The following RGS21 variants were observed in gnomAD, a reference collection of about 807,000 sequenced individuals.
RGS21 encodes regulator of G-protein signalling 21.
RGS21 carries 19 observed loss-of-function variants against 18.7 expected under a neutral mutation model. That is an observed-to-expected ratio of 1.01 (90% CI 0.71 to 1.49). The LOEUF is 1.49. RGS21 is among the 40% of genes most tolerant of loss of function. The probability of loss-of-function intolerance (pLI) is 0.00; values close to 1 mark genes in which losing one functional copy is unlikely to be tolerated. For synonymous variants in RGS21, 56 were observed against 57.8 expected, an observed-to-expected ratio of 0.97 and a Z score of 0.14; for missense variants, 194 against 176.8, an observed-to-expected ratio of 1.10 and a Z score of -0.55.
intron 4 of RGS21, among the ~76,000 whole-genome samples, chr1:192,365,289 G>T (rs1175383491): frequency 6.6e-6 from 1 of 152,086 alleles, no homozygotes; most frequent in African/African-American, 2.4e-5. Context: ...TTACATATTT[G>T]CAGGTGAATG....
At chr1:192,346,678 T>A (rs1658947760) in intron 2 of RGS21, among the ~76,000 whole-genome samples, 1 of 152,116 alleles carries the variant, frequency 6.6e-6, no homozygotes, top group Admixed American at 6.6e-5. Flanking sequence ...AGTCTATAAA[T>A]TTTTGACTGC....
At chr1:192,318,718 G>GA (rs1207404025) in intron 1 of RGS21, among the ~76,000 whole-genome samples, 1 of 151,752 alleles carries the variant, frequency 6.6e-6, no homozygotes, top group African/African-American at 2.4e-5. Flanking sequence ...AAGCTTGGAG[G>GA]AAAAAAAGTT....
chr1:192,338,888 TA>T (rs1188453985), intron 1 of RGS21, among the ~76,000 whole-genome samples: 5 of 152,050 alleles, frequency 3.3e-5, no homozygotes, highest in Non-Finnish European at 7.4e-5. Flanking sequence ...AAACTAAATC[TA>T]ACAGATTTAA....
At chr1:192,346,066 C>G (rs1658940639) in intron 2 of RGS21, among the ~76,000 whole-genome samples, 2 of 151,776 alleles carry the variant, frequency 1.3e-5, no homozygotes, top group South Asian at 4.1e-4. Flanking sequence ...TTTAGTAAGT[C>G]AAGGAAGAAA....
intron 1 of RGS21, among the ~76,000 whole-genome samples, chr1:192,323,913 G>C (rs1658529893): frequency 7.1e-6 from 1 of 140,876 alleles, no homozygotes. Context: ...CAAGTATTAT[G>C]CTAAGAAATG....
At chr1:192,349,869 C>T (rs1659011825) in intron 3 of RGS21, among the ~76,000 whole-genome samples, 1 of 152,080 alleles carries the variant, frequency 6.6e-6, no homozygotes, top group South Asian at 2.1e-4. Flanking sequence ...GAAAATCCTC[C>T]TAGGGAGAAG....
At chr1:192,325,504 C>G (rs985292629) in intron 1 of RGS21, among the ~76,000 whole-genome samples, 9 of 152,038 alleles carry the variant, frequency 5.9e-5, no homozygotes, top group African/African-American at 2.2e-4. Flanking sequence ...AATGGTAGTT[C>G]TGTTTTAAGT....
intron 1 of RGS21, among the ~76,000 whole-genome samples, chr1:192,339,596 T>G (rs2102228533): frequency 6.6e-6 from 1 of 152,188 alleles, no homozygotes; most frequent in South Asian, 2.1e-4. Context: ...TCTGTTCCTT[T>G]GACCCTCTTA....
intron 4 of RGS21, among the ~76,000 whole-genome samples, chr1:192,363,819 G>A (rs1359277817): frequency 1.3e-5 from 2 of 152,016 alleles, no homozygotes; most frequent in East Asian, 3.9e-4. Flanking sequence ...TTGCATTAGG[G>A]ACTCTGTGTT....
rs1202366412 is a variant in RGS21 at position 192,359,653 on chromosome 1, G to GTATATATATA, written c.256-6267_256-6266insATATATATAT. On this transcript the variant is annotated intron_variant, in intron 4 of 4. Coordinates refer to ENST00000417209, the MANE Select transcript of RGS21 (RefSeq NM_001039152.3). ...TATATATATGTTTATATGTGTGTGTGTGTATATATATATATATATATATAT... is the reference window on the plus strand; with the variant it reads ...TATATATATGTTTATATGTGTGTGTGTATATATATATGTATATATATATATATATATATAT... Among the ~76,000 whole-genome samples the GTATATATATA allele has an allele frequency of 9.5e-3, 992 of 104,356 alleles. 10 individuals carry two copies. Among genetic ancestry groups the GTATATATATA allele is most frequent in the African/African-American group, 0.037 (835 of 22,702 alleles). 68.5% of individuals were successfully genotyped at this position (104,356 alleles called of 152,430 possible).
chr1:192,355,099 C>G (rs567841636), intron 4 of RGS21, among the ~76,000 whole-genome samples: 1 of 151,708 alleles, frequency 6.6e-6, no homozygotes, highest in Non-Finnish European at 1.5e-5. Context: ...TATGATGTAG[C>G]AGAAAAACTA....
intron 3 of RGS21, among the ~76,000 whole-genome samples, chr1:192,348,150 C>T (rs1461568201): frequency 6.6e-6 from 1 of 151,474 alleles, no homozygotes; most frequent in South Asian, 2.1e-4. Context: ...CTCAGCCTCC[C>T]GAGGAGCTGG....
chr1:192,321,273 A>G (rs58984736), intron 1 of RGS21, among the ~76,000 whole-genome samples: 3 of 151,960 alleles, frequency 2.0e-5, no homozygotes, highest in African/African-American at 7.2e-5. Flanking sequence ...GAGAAGAAAT[A>G]CTCTTTAAAA....
chr1:192,321,360 T>A (rs1468564391), intron 1 of RGS21, among the ~76,000 whole-genome samples: 1 of 151,996 alleles, frequency 6.6e-6, no homozygotes, highest in Non-Finnish European at 1.5e-5. Context: ...TAATTTATAA[T>A]TAGTGTTATG....
At chr1:192,357,137 G>A (rs904378015) in intron 4 of RGS21, among the ~76,000 whole-genome samples, 5 of 151,798 alleles carry the variant, frequency 3.3e-5, no homozygotes, top group African/African-American at 1.2e-4. Flanking sequence ...GAGGATCAGG[G>A]AATGTATTTC....
chr1:192,342,887 A>G (rs1658891415), intron 1 of RGS21, 90 bp from the exon 2 acceptor site: 1 of 690,274 alleles, frequency 1.4e-6, no homozygotes, highest in African/African-American at 1.8e-5. Flanking sequence ...AAAGCTGAGA[A>G]TAGCAGAATT....
At chr1:192,346,999 T>A (rs1210130420) in intron 2 of RGS21, among the ~76,000 whole-genome samples, 1 of 152,092 alleles carries the variant, frequency 6.6e-6, no homozygotes, top group African/African-American at 2.4e-5. Flanking sequence ...ACAAATAATA[T>A]ACTCATAGTT....
chr1:192,350,061 T>C (rs1659018118), intron 3 of RGS21, among the ~76,000 whole-genome samples: 1 of 152,180 alleles, frequency 6.6e-6, no homozygotes, highest in Non-Finnish European at 1.5e-5. Context: ...TAATTGAGTG[T>C]TACTAAGGGG....
rs543229230 is a variant in RGS21 at position 192,324,059 on chromosome 1, T to C, written c.-61+6954T>C. Among the ~76,000 whole-genome samples the C allele has an allele frequency of 5.3e-5, 8 of 152,166 alleles. No individual in the cohort carries two copies. In the East Asian group the frequency reaches 1.2e-3, roughly 22 times the overall value. Reference sequence around the variant, plus strand: ...CAGTTAATAGAGAAAAGCAAATATATAGCTACATATAGAAAGAAATAATAC... The same window carrying C: ...CAGTTAATAGAGAAAAGCAAATATACAGCTACATATAGAAAGAAATAATAC... On this transcript the variant is annotated intron_variant, in intron 1 of 4. Coordinates refer to ENST00000417209, the MANE Select transcript of RGS21 (RefSeq NM_001039152.3).
Sources: allele counts gnomAD v4.1 joint callset (sites outside exome capture counted in the v4.1 genomes callset), GRCh38; gene constraint gnomAD v4.1.1; transcripts MANE v1.5; gene names NCBI Gene and HGNC (gene_info 2026-07-23, HGNC 2026-07-21).